Variants in CYRIB observed in about 807,000 individuals in gnomAD.
CYRIB encodes CYFIP related Rac1 interactor B, also known as CYFIP-related Rac1 interactor B.
CYRIB carries 8 observed loss-of-function variants against 44.2 expected under a neutral mutation model. The observed-to-expected ratio is 0.18, with a 90% CI of 0.11 to 0.33. CYRIB has a LOEUF of 0.33. CYRIB is among the 10% of genes least tolerant of loss of function. The probability of loss-of-function intolerance (pLI) is 1.00; values close to 1 mark genes in which losing one functional copy is unlikely to be tolerated. For synonymous variants in CYRIB, 131 were observed against 127.2 expected, an observed-to-expected ratio of 1.03 and a Z score of -0.20; for missense variants, 185 against 382.8, an observed-to-expected ratio of 0.48 and a Z score of 4.31.
intron 1 of CYRIB, among the ~76,000 whole-genome samples, chr8:130,013,746 C>G (rs1336389992): frequency 2.0e-5 from 3 of 152,220 alleles, no homozygotes; most frequent in African/African-American, 7.2e-5. Context: ...GATATAAGAG[C>G]TGTCAGGGAC....
At chr8:130,010,175 C>T (rs1340383622) in intron 1 of CYRIB, among the ~76,000 whole-genome samples, 1 of 152,208 alleles carries the variant, frequency 6.6e-6, no homozygotes, top group East Asian at 1.9e-4. Flanking sequence ...GTCACTTTTC[C>T]CACATTGGGC....
At chr8:129,927,567 T>G (rs990427182) in intron 1 of CYRIB, among the ~76,000 whole-genome samples, 5 of 152,216 alleles carry the variant, frequency 3.3e-5, no homozygotes, top group Non-Finnish European at 7.3e-5. Context: ...TCTCTATGAA[T>G]AAATGTGGAG....
upstream of CYRIB, among the ~76,000 whole-genome samples, chr8:129,942,215 T>C (rs986829219): frequency 6.6e-6 from 1 of 152,202 alleles, no homozygotes; most frequent in African/African-American, 2.4e-5. Context: ...GGCAGGCGCC[T>C]GTAATCCCAA....
At chr8:129,884,752 C>G (rs1244619175) in intron 2 of CYRIB, among the ~76,000 whole-genome samples, 4 of 152,174 alleles carry the variant, frequency 2.6e-5, no homozygotes, top group Non-Finnish European at 4.4e-5. Flanking sequence ...TGGATTTAAA[C>G]TAAATATTGT....
In CYRIB at chr8:129,958,958, G is replaced by A. The variant is rs550278842; in HGVS notation, c.-243+11985C>T. On this transcript the variant is annotated intron_variant, in intron 2 of 14. Transcript: ENST00000401979. ...CGGGCGCCTGTAATCCCAGCTACTCGGGAGGCTGAGGCAGAGAATTGCTTG... is the reference window on the plus strand; with the variant it reads ...CGGGCGCCTGTAATCCCAGCTACTCAGGAGGCTGAGGCAGAGAATTGCTTG... Among the ~76,000 whole-genome samples the A allele has an allele frequency of 7.4e-4, 111 of 150,520 alleles. 3 individuals carry two copies. The highest frequency in any genetic ancestry group is 2.6e-3 in the African/African-American group (105 of 40,868).
intron 2 of CYRIB, among the ~76,000 whole-genome samples, chr8:129,899,131 C>G (rs567015661): frequency 6.6e-6 from 1 of 152,280 alleles, no homozygotes; most frequent in African/African-American, 2.4e-5. Flanking sequence ...CTCCAAAGTA[C>G]TGGGATTTAC....
chr8:129,957,002 C>T (rs930840855), intron 2 of CYRIB, among the ~76,000 whole-genome samples: 1 of 151,996 alleles, frequency 6.6e-6, no homozygotes, highest in African/African-American at 2.4e-5. Flanking sequence ...CTGTGCCTGG[C>T]TGATTTTTGT....
chr8:129,987,770 C>T (rs1019207166), intron 1 of CYRIB, among the ~76,000 whole-genome samples: 4 of 152,042 alleles, frequency 2.6e-5, no homozygotes, highest in Non-Finnish European at 5.9e-5. Flanking sequence ...TGGGGTTTCA[C>T]CATGTTGGCC....
intron 1 of CYRIB, among the ~76,000 whole-genome samples, chr8:129,972,126 A>C (rs2132230386): frequency 6.6e-6 from 1 of 152,306 alleles, no homozygotes; most frequent in Admixed American, 6.5e-5. Flanking sequence ...GGCCATGTCT[A>C]ATTGTCCAGA....
At chr8:129,989,335 A>C (rs1326201058) in intron 1 of CYRIB, among the ~76,000 whole-genome samples, 2 of 152,174 alleles carry the variant, frequency 1.3e-5, no homozygotes, top group Non-Finnish European at 2.9e-5. Flanking sequence ...GCAGCTGCCC[A>C]CTGAGCAATG....
exon 12 of CYRIB, chr8:129,840,580 T>G (rs1179654741): frequency 1.3e-5 from 2 of 152,242 alleles, no homozygotes; most frequent in African/African-American, 2.4e-5. Context: ...ATGGCCAATG[T>G]TATCCAGAAG....
chr8:129,883,051 T>C (rs2061377462), intron 2 of CYRIB, among the ~76,000 whole-genome samples: 1 of 129,946 alleles, frequency 7.7e-6, no homozygotes, highest in Non-Finnish European at 1.5e-5. Flanking sequence ...GCGGCAGTTG[T>C]AGGGAGCCAA....
At chr8:129,978,235 A>G (rs2096047304) in intron 1 of CYRIB, among the ~76,000 whole-genome samples, 1 of 152,178 alleles carries the variant, frequency 6.6e-6, no homozygotes, top group Admixed American at 6.5e-5. Flanking sequence ...TCTTAATTGA[A>G]TTGTCTATAG....
intron 5 of CYRIB, among the ~76,000 whole-genome samples, chr8:129,856,973 C>G (rs945150653): frequency 1.3e-5 from 2 of 152,238 alleles, no homozygotes; most frequent in Non-Finnish European, 2.9e-5. Flanking sequence ...TGTAACCCTA[C>G]AAAACATTAA....
intron 1 of CYRIB, among the ~76,000 whole-genome samples, chr8:129,910,618 C>T (rs2077497580): frequency 6.6e-6 from 1 of 151,318 alleles, no homozygotes; most frequent in South Asian, 2.1e-4. Context: ...GACAACATAG[C>T]AAGACCATAT....
chr8:130,000,191 A>G (rs139471190), intron 1 of CYRIB, among the ~76,000 whole-genome samples: 1 of 152,248 alleles, frequency 6.6e-6, no homozygotes, highest in East Asian at 1.9e-4. Flanking sequence ...TGCTGAGGAG[A>G]AGAGAGCCCA....
chr8:129,931,594 A>G (rs2449417), intron 1 of CYRIB, among the ~76,000 whole-genome samples: 60,583 of 151,990 alleles, frequency 0.4, 13,150 homozygotes, highest in East Asian at 0.55. Flanking sequence ...AACAGCACCA[A>G]TAATAATAAT....
chr8:129,895,980 G>C (rs2067861656), intron 2 of CYRIB, among the ~76,000 whole-genome samples: 1 of 152,058 alleles, frequency 6.6e-6, no homozygotes, highest in South Asian at 2.1e-4. Flanking sequence ...TTCCTGTCTG[G>C]TTTTGCTGTC....
At chr8:129,996,022 G>A (rs1227010230) in intron 1 of CYRIB, among the ~76,000 whole-genome samples, 1 of 152,196 alleles carries the variant, frequency 6.6e-6, no homozygotes, top group Non-Finnish European at 1.5e-5. Flanking sequence ...AATGAACCCT[G>A]TTTTAGGTGC....
Sources: gnomAD v4.1 joint callset for allele counts (sites outside exome capture counted in the v4.1 genomes callset) on GRCh38, gnomAD v4.1.1 for gene constraint, MANE v1.5 for transcripts, NCBI Gene and HGNC (gene_info 2026-07-23, HGNC 2026-07-21) for gene names.